VPS8: variants seen among roughly 807,000 people sequenced by gnomAD.
VPS8 encodes vacuolar protein sorting-associated protein 8 homolog.
In VPS8, 129 loss-of-function variants were observed where a neutral mutation model predicts 216.4. The observed-to-expected ratio is 0.60, with a 90% CI of 0.52 to 0.69. The LOEUF (loss-of-function observed/expected upper bound fraction) is 0.69, where lower values mean the gene tolerates loss of function less well. Among genes scored for constraint, VPS8 ranks in the 30% least tolerant of loss-of-function variants. The pLI, the probability that VPS8 is intolerant of heterozygous loss-of-function variation, is 0.00. For missense variants in VPS8, 1,531 were observed against 1,683.5 expected, an observed-to-expected ratio of 0.91 and a Z score of 1.59; for synonymous variants, 571 against 565.4, an observed-to-expected ratio of 1.01 and a Z score of -0.14.
chr3:184,869,410 A>G, intron 19 of VPS8, 72 bp from the exon 20 acceptor site: 1 of 1,480,704 alleles, frequency 6.8e-7, no homozygotes, highest in Non-Finnish European at 9.3e-7. Context: ...ATAAATATGA[A>G]ACCAGACATA....
In VPS8 at chr3:184,850,015, A is replaced by C; in HGVS notation, c.746A>C (p.His249Pro). ...DAHPPGTAIL[H>P]IKFTDDPTLA... ...CATCCTCCAGGAACAGCAATATTGC[A>C]TATCAAGGTAAGAGCTTTATTTTCT... is the stretch of plus-strand genomic sequence containing the variant. Residue 249 changes from histidine to proline, a missense_variant, in exon 10 of 48, where the codon CAT becomes CCT. This residue lies in a region of VPS8 where 1,318 missense variants were observed against 1,468.4 expected (regional missense o/e 0.90). Transcript: ENST00000625842. 6.2e-7 allele frequency: 1 copy of C among 1,610,098 alleles called. No individual in the cohort carries two copies. Among genetic ancestry groups the C allele is most frequent in the Non-Finnish European group, 8.5e-7 (1 of 1,178,578 alleles).
At chr3:184,944,476 A>G (rs1052069114) in intron 36 of VPS8, 1 of 984,680 alleles carries the variant, frequency 1.0e-6, no homozygotes, top group African/African-American at 1.7e-5. Context: ...AGTTCTCCTG[A>G]TGTGCTTACA....
chr3:184,865,983 A>G (rs1167002181), intron 16 of VPS8, among the ~76,000 whole-genome samples: 2 of 140,734 alleles, frequency 1.4e-5, no homozygotes, highest in African/African-American at 5.1e-5. Flanking sequence ...GTGAGACTCC[A>G]TCTTAAAAAA....
intron 31 of VPS8, 33 bp downstream of exon 31, chr3:184,926,683 A>T: frequency 6.4e-7 from 1 of 1,567,846 alleles, no homozygotes; most frequent in Non-Finnish European, 8.7e-7. Context: ...TTGCTAAAAA[A>T]TAGGAAAGAA....
At chr3:185,026,117 T>C (rs999274578) in intron 46 of VPS8, among the ~76,000 whole-genome samples, 1 of 152,194 alleles carries the variant, frequency 6.6e-6, no homozygotes, top group Non-Finnish European at 1.5e-5. Flanking sequence ...AAGTATAGTC[T>C]GCCCTTCACA....
chr3:185,043,613 G>A (rs1178691610), intron 46 of VPS8, among the ~76,000 whole-genome samples: 1 of 152,226 alleles, frequency 6.6e-6, no homozygotes. Flanking sequence ...ACTGCAGAAT[G>A]AAGCTTAGTT....
chr3:185,048,831 G>T (rs1420972807), intron 47 of VPS8, among the ~76,000 whole-genome samples: 2 of 152,186 alleles, frequency 1.3e-5, no homozygotes, highest in Non-Finnish European at 2.9e-5. Flanking sequence ...CCTCCAGAGA[G>T]AGCAGGCCAG....
At chr3:184,869,979 CTT>C (rs146727921) in intron 20 of VPS8, among the ~76,000 whole-genome samples, 3,759 of 152,212 alleles carry the variant, frequency 0.025, 138 homozygotes, top group African/African-American at 0.085. Context: ...CTTGCTCACT[CTT>C]TTATGAAGAT....
At chr3:185,032,697 G>A (rs916436411) in intron 46 of VPS8, among the ~76,000 whole-genome samples, 7 of 150,906 alleles carry the variant, frequency 4.6e-5, no homozygotes, top group East Asian at 1.9e-4. Context: ...ACAAAGTCTC[G>A]CTCTGTCGCC....
At chr3:184,818,296 C>T (rs1716781639) in intron 1 of VPS8, among the ~76,000 whole-genome samples, 1 of 152,030 alleles carries the variant, frequency 6.6e-6, no homozygotes, top group South Asian at 2.1e-4. Context: ...CTTTGGGAGG[C>T]TGAGGCGGTC....
At chr3:184,902,791 C>A (rs1333523810) in intron 25 of VPS8, among the ~76,000 whole-genome samples, 1 of 149,560 alleles carries the variant, frequency 6.7e-6, no homozygotes, top group Non-Finnish European at 1.5e-5. Context: ...GATCGCGCCA[C>A]TGTACTCTAG....
At chr3:184,914,076 A>T (rs1737060740) in intron 26 of VPS8, among the ~76,000 whole-genome samples, 1 of 152,228 alleles carries the variant, frequency 6.6e-6, no homozygotes, top group Non-Finnish European at 1.5e-5. Context: ...ATTCTAGTAG[A>T]CTATGCCAGC....
In VPS8 at chr3:184,860,405, G is replaced by A. The variant is rs6773749; in HGVS notation, c.1224+340G>A. ...TATACGTATATATATGTATGTATACGTATATATGTATATATATGTATATAT... is the reference window on the plus strand; with the variant it reads ...TATACGTATATATATGTATGTATACATATATATGTATATATATGTATATAT... On this transcript the variant is annotated intron_variant, in intron 15 of 47. Coordinates refer to ENST00000625842, the MANE Select transcript of VPS8 (RefSeq NM_001009921.3). Among the ~76,000 whole-genome samples, 653 of 147,034 alleles carry A rather than the reference G, an allele frequency of 4.4e-3. 5 individuals are homozygous for A. The highest frequency in any genetic ancestry group is 0.016 in the African/African-American group (626 of 39,896).
chr3:184,882,329 A>T (rs1482902729), intron 21 of VPS8: 2 of 446,706 alleles, frequency 4.5e-6, no homozygotes, highest in South Asian at 1.6e-5. Context: ...TAATATGATC[A>T]TGTGATTTTT....
chr3:184,995,856 G>A (rs1752546132), intron 43 of VPS8, among the ~76,000 whole-genome samples: 2 of 152,136 alleles, frequency 1.3e-5, no homozygotes, highest in South Asian at 4.1e-4. Flanking sequence ...TAGAGTAATG[G>A]CCATTAGCTT....
intron 29 of VPS8, among the ~76,000 whole-genome samples, chr3:184,923,465 C>G (rs1049554668): frequency 2.0e-5 from 3 of 152,198 alleles, no homozygotes; most frequent in Non-Finnish European, 4.4e-5. Context: ...CTCCCTTAGA[C>G]TCCTGCAGTC....
intron 21 of VPS8, among the ~76,000 whole-genome samples, chr3:184,878,317 G>A (rs187196966): frequency 3.3e-5 from 5 of 152,024 alleles, no homozygotes; most frequent in African/African-American, 1.2e-4. Flanking sequence ...CGCCATGTTG[G>A]CCAGGCTGGT....
intron 46 of VPS8, among the ~76,000 whole-genome samples, chr3:185,027,026 C>G (rs896741976): frequency 6.6e-6 from 1 of 151,290 alleles, no homozygotes; most frequent in Non-Finnish European, 1.5e-5. Flanking sequence ...TTTCCTTACA[C>G]TATTTACTGA....
At chr3:184,937,210 AC>A (rs1277232880) in intron 35 of VPS8, among the ~76,000 whole-genome samples, 3 of 152,190 alleles carry the variant, frequency 2.0e-5, no homozygotes, top group Admixed American at 6.5e-5. Flanking sequence ...TATTCCACTT[AC>A]CACTTACCAT....
Sources: allele counts gnomAD v4.1 joint callset (sites outside exome capture counted in the v4.1 genomes callset), GRCh38; gene constraint gnomAD v4.1.1; regional missense constraint gnomAD v4.1.1; transcripts MANE v1.5; gene names NCBI Gene and HGNC (gene_info 2026-07-23, HGNC 2026-07-21).